The following BMPR1A variants were observed in gnomAD, a reference collection of about 807,000 sequenced individuals.
The protein encoded by BMPR1A is bone morphogenetic protein receptor type 1A, also known as bone morphogenetic protein receptor type-1A.
In BMPR1A, 7 loss-of-function variants were observed where a neutral mutation model predicts 66.0. The observed-to-expected ratio is 0.11, with a 90% CI of 0.06 to 0.20. BMPR1A has a LOEUF of 0.20. BMPR1A is among the 10% of genes least tolerant of loss of function. The pLI, the probability that BMPR1A is intolerant of heterozygous loss-of-function variation, is 1.00. For missense variants in BMPR1A, 408 were observed against 669.1 expected (o/e 0.61, Z 4.31); for synonymous variants, 200 against 229.7 (o/e 0.87, Z 1.17).
chr10:86,823,262 A>G (rs563507177), intron 1 of BMPR1A, among the ~76,000 whole-genome samples: 2 of 152,368 alleles, frequency 1.3e-5, no homozygotes, highest in South Asian at 2.1e-4. Context: ...CTCTGAAAAT[A>G]CAGTTGGTTT....
intron 1 of BMPR1A, among the ~76,000 whole-genome samples, chr10:86,788,103 A>G (rs559877672): frequency 3.3e-5 from 5 of 152,214 alleles, no homozygotes; most frequent in Non-Finnish European, 7.3e-5. Context: ...CTATGCAGTG[A>G]TGGCATACTA....
intron 1 of BMPR1A, among the ~76,000 whole-genome samples, chr10:86,832,465 TAAAAAAAAAAA>T: frequency 8.2e-6 from 1 of 122,296 alleles, no homozygotes; most frequent in African/African-American, 3.0e-5. Flanking sequence ...AAACTCCGTC[TAAAAAAAAAAA>T]AAAAAAGAAA....
chr10:86,888,846 G>C (rs1235276946), intron 3 of BMPR1A, among the ~76,000 whole-genome samples: 1 of 141,560 alleles, frequency 7.1e-6, no homozygotes, highest in Admixed American at 6.9e-5. Context: ...AAAAAAAAAA[G>C]TGAAAATTAT....
At chr10:86,765,943 A>C (rs1841154647) in intron 1 of BMPR1A, among the ~76,000 whole-genome samples, 1 of 148,248 alleles carries the variant, frequency 6.7e-6, no homozygotes. Context: ...TTCACTGAAT[A>C]TATAGGGGGA....
At chr10:86,834,139 C>T (rs1842309412) in intron 1 of BMPR1A, among the ~76,000 whole-genome samples, 1 of 152,130 alleles carries the variant, frequency 6.6e-6, no homozygotes, top group Non-Finnish European at 1.5e-5. Context: ...GTCTTCTTGG[C>T]CAGAATTGCA....
At chr10:86,796,870 T>C (rs79489301) in intron 1 of BMPR1A, among the ~76,000 whole-genome samples, 2 of 152,146 alleles carry the variant, frequency 1.3e-5, no homozygotes, top group African/African-American at 4.8e-5. Context: ...AAGTTTGTGG[T>C]TGGGTATTGG....
intron 1 of BMPR1A, among the ~76,000 whole-genome samples, chr10:86,836,329 G>GCA (rs1842346964): frequency 3.9e-5 from 6 of 152,142 alleles, no homozygotes; most frequent in Non-Finnish European, 7.3e-5. Flanking sequence ...AACTTCCAGT[G>GCA]TGTACAATGT....
rs532385189 is a variant in BMPR1A at position 86,786,107 on chromosome 10, C to T, written c.-268+29188C>T. ...TGCCTGTGTCTGTGCTTCATGTATT[C>T]TCACATCCCTCAATTATTACGGAAT... is the stretch of plus-strand genomic sequence containing the variant. On this transcript the variant is annotated intron_variant, in intron 1 of 12. Transcript: ENST00000372037. Among the ~76,000 whole-genome samples, 7 of 152,274 alleles carry T rather than the reference C, an allele frequency of 4.6e-5. No individual in the cohort carries two copies. In the East Asian group the frequency reaches 1.4e-3, roughly 29 times the overall value.
At chr10:86,854,803 C>A in intron 2 of BMPR1A, 1 of 250,672 alleles carries the variant, frequency 4.0e-6, no homozygotes. Flanking sequence ...AAGTTCTCAT[C>A]AGTGGTTTAA....
chr10:86,778,621 A>G (rs905485941), intron 1 of BMPR1A, among the ~76,000 whole-genome samples: 1 of 152,120 alleles, frequency 6.6e-6, no homozygotes, highest in Non-Finnish European at 1.5e-5. Flanking sequence ...TTCTCCTTCT[A>G]GCTATTTGAA....
intron 1 of BMPR1A, among the ~76,000 whole-genome samples, chr10:86,811,285 C>T (rs906934253): frequency 3.9e-5 from 6 of 152,228 alleles, no homozygotes; most frequent in East Asian, 1.9e-4. Context: ...GTGATCCACC[C>T]GCCTCAGCCT....
chr10:86,880,350 TCC>T (rs1330312074), intron 3 of BMPR1A, among the ~76,000 whole-genome samples: 1 of 152,224 alleles, frequency 6.6e-6, no homozygotes, highest in African/African-American at 2.4e-5. Context: ...TCTGCTCCTT[TCC>T]CATGCTAGAA....
intron 3 of BMPR1A, among the ~76,000 whole-genome samples, chr10:86,889,355 A>G (rs10887663): frequency 0.04 from 6,060 of 152,296 alleles, 414 homozygotes; most frequent in African/African-American, 0.14. Context: ...CCATGCTCTC[A>G]TGATTTCCTT....
intron 1 of BMPR1A, among the ~76,000 whole-genome samples, chr10:86,772,171 C>T (rs149364380): frequency 0.017 from 2,434 of 141,156 alleles, 84 homozygotes; most frequent in African/African-American, 0.064. Context: ...TTCTCTGTCG[C>T]CCAGGCTGGA....
At chr10:86,840,806 T>A (rs771178539) in intron 2 of BMPR1A, among the ~76,000 whole-genome samples, 158 of 152,334 alleles carry the variant, frequency 1.0e-3, no homozygotes, top group Middle Eastern at 3.4e-3. Flanking sequence ...ATTTGCTTCC[T>A]ACCCTTAGGC....
chr10:86,929,984 TATATC>T (rs1452082675), downstream of BMPR1A: 1 of 152,266 alleles, frequency 6.6e-6, no homozygotes, highest in Non-Finnish European at 1.5e-5. Context: ...ATGTCATCCT[TATATC>T]AAGTTAGGTG....
At position 86,865,208 on chromosome 10, in the gene BMPR1A, G is replaced by A. The variant is rs76780951; in HGVS notation, c.-152-10659G>A. On this transcript the variant is annotated intron_variant, in intron 2 of 12. Transcript: ENST00000372037. ...CACCACAAAAGAAGTGTAAATGGCC[G>A]GTCCATGCCTTAACTGATGACATTC... 2.8e-3 allele frequency among the ~76,000 whole-genome samples: 391 copies of A among 142,016 alleles called. 1 individual carries two copies. The highest frequency in any genetic ancestry group is 0.011 in the African/African-American group (382 of 35,180). 93.2% of individuals were successfully genotyped at this position (142,016 alleles called of 152,430 possible).
intron 7 of BMPR1A, among the ~76,000 whole-genome samples, chr10:86,908,960 G>T (rs551953387): frequency 6.6e-6 from 1 of 152,216 alleles, no homozygotes; most frequent in East Asian, 1.9e-4. Flanking sequence ...TCCCCAAGAG[G>T]CAGAGGGACT....
chr10:86,905,866 T>C (rs1843378010), intron 7 of BMPR1A, among the ~76,000 whole-genome samples: 2 of 152,070 alleles, frequency 1.3e-5, no homozygotes, highest in Admixed American at 1.3e-4. Flanking sequence ...AAACATTTTC[T>C]GAATACCTAA....
Sources: gnomAD v4.1 joint callset for allele counts (sites outside exome capture counted in the v4.1 genomes callset) on GRCh38, gnomAD v4.1.1 for gene constraint, MANE v1.5 for transcripts, NCBI Gene and HGNC (gene_info 2026-07-23, HGNC 2026-07-21) for gene names.